The following SLC2A3 variants were observed in gnomAD, a reference collection of about 807,000 sequenced individuals.
The protein encoded by SLC2A3 is solute carrier family 2 member 3.
A neutral mutation model predicts 46.4 loss-of-function variants in SLC2A3; 21 were observed. The ratio of observed to expected loss-of-function variants is 0.45; its 90% CI spans 0.32 to 0.65. The LOEUF (loss-of-function observed/expected upper bound fraction) is 0.65. SLC2A3 is among the 30% of genes least tolerant of loss of function. The probability of loss-of-function intolerance (pLI) is 0.04; values close to 1 mark genes in which losing one functional copy is unlikely to be tolerated. For missense variants in SLC2A3, 499 were observed against 623.3 expected, an observed-to-expected ratio of 0.80 and a Z score of 2.12; for synonymous variants, 213 against 239.4, an observed-to-expected ratio of 0.89 and a Z score of 1.02.
Position 7,925,879 on chromosome 12 carries a change from CG to C in SLC2A3, c.930del (p.Ala311ArgfsTer10), listed in dbSNP as rs997255942. On this transcript the variant is annotated frameshift_variant, in exon 7 of 10. Coordinates refer to ENST00000075120, the MANE Select transcript of SLC2A3 (RefSeq NM_006931.3). LOFTEE classifies it high-confidence loss of function. ...GTGAAGATAGTATTAACCACACCCG[CG>C]CCGATGGTGGCATAGATGGGCTCTT... ...GVQEPIYATIGAGVVNTIFTV... is the reference protein window; with the variant it reads ...GVQEPIYATIXAGVVNTIFTV... The C allele has an allele frequency of 1.2e-6, 2 of 1,613,602 alleles. No individual in the cohort carries two copies. The highest frequency in any genetic ancestry group is 2.7e-5 in the African/African-American group (2 of 74,892).
intron 1 of SLC2A3, 98 bp from the exon 2 acceptor site, chr12:7,934,000 T>G (rs1230610830): frequency 1.8e-5 from 20 of 1,119,498 alleles, no homozygotes; most frequent in Non-Finnish European, 2.6e-5. Flanking sequence ...GAATTTGAGT[T>G]ATGAGTGGTA....
intron 1 of SLC2A3, among the ~76,000 whole-genome samples, chr12:7,935,725 C>T (rs1464142023): frequency 2.6e-5 from 4 of 152,078 alleles, no homozygotes; most frequent in African/African-American, 9.7e-5. Context: ...CCAAGCAGCC[C>T]GATCCTCTAA....
intron 9 of SLC2A3, 57 bp downstream of exon 9, chr12:7,922,764 G>T: frequency 1.9e-6 from 3 of 1,607,116 alleles, no homozygotes; most frequent in Non-Finnish European, 2.6e-6. Flanking sequence ...TATTATTAAG[G>T]AGTATCTTCA....
rs1337625239 is a variant in SLC2A3, at chr12:7,924,322, C to A, written c.1068+88G>T. On this transcript the variant is annotated intron_variant, in intron 8 of 9. Coordinates refer to ENST00000075120, the MANE Select transcript of SLC2A3 (RefSeq NM_006931.3). ...CTCTGACTTTATTGACAAACTGCAA[C>A]CTTAACAACCCACCCCTTGTGTCAC... 5 of 1,537,250 alleles carry A rather than the reference C, an allele frequency of 3.3e-6. No individual in the cohort carries two copies. The East Asian group carries it at 1.2e-4, about 36-fold the overall frequency.
chr12:7,925,055 A>G (rs1178100256), intron 7 of SLC2A3, among the ~76,000 whole-genome samples: 1 of 152,306 alleles, frequency 6.6e-6, no homozygotes, highest in Non-Finnish European at 1.5e-5. Context: ...GAACCCGTGG[A>G]AGCTGACAGG....
At chr12:7,930,032 C>T in intron 5 of SLC2A3, 161 bp from the exon 6 acceptor site, 1 of 1,416,386 alleles carries the variant, frequency 7.1e-7, no homozygotes, top group Non-Finnish European at 9.3e-7. Flanking sequence ...GTTGCCCAGG[C>T]TGGAGTGCAA....
chr12:7,933,090 C>T lies in SLC2A3; in HGVS notation c.166G>A (p.Glu56Lys), dbSNP rs369513448. 63 of 1,613,980 alleles carry T rather than the reference C, an allele frequency of 3.9e-5. No homozygotes were observed. The highest frequency in any genetic ancestry group is 5.1e-5 in the Non-Finnish European group (60 of 1,180,014). Residue 56 changes from glutamate to lysine, a missense_variant, in exon 3 of 10, where the codon GAG becomes AAG. Glu to Lys is a moderately conservative substitution (Grantham distance 56, BLOSUM62 1). Transcript: ENST00000075120. Reference protein sequence around the residue: ...LTDKGNAPPSEVLLTSLWSLS... With the variant: ...LTDKGNAPPSKVLLTSLWSLS... ...GACCAGAGAGACGTGAGCAGCACCTCAGAGGGTGGGGCATTTCCCTTGTCC... is the reference window on the plus strand; with the variant it reads ...GACCAGAGAGACGTGAGCAGCACCTTAGAGGGTGGGGCATTTCCCTTGTCC...
In SLC2A3 at chr12:7,936,098, G is replaced by T; in HGVS notation, c.-64C>A. The T allele has an allele frequency of 1.4e-6, 2 of 1,429,966 alleles. No homozygotes were observed. Among genetic ancestry groups the T allele is most frequent in the Non-Finnish European group, 2.0e-6 (2 of 1,013,112 alleles). 88.6% of individuals were successfully genotyped at this position (1,429,966 alleles called of 1,614,324 possible). ...GGTGATTCCAGAAACAGCTTTTTCA[G>T]CCAACAAAACCTTCAAAATGTCCTT... is the stretch of plus-strand genomic sequence containing the variant. On this transcript the variant is annotated 5_prime_UTR_variant, in exon 1 of 10. The change creates a new upstream start codon in the 5' untranslated region. Coordinates refer to ENST00000075120, the MANE Select transcript of SLC2A3 (RefSeq NM_006931.3).
chr12:7,930,791 GGTT>G, intron 4 of SLC2A3, 149 bp from the exon 5 acceptor site: 12 of 501,466 alleles, frequency 2.4e-5, no homozygotes, highest in South Asian at 1.4e-4. Flanking sequence ...TACTCAGCAT[GGTT>G]TTTTTTTTTT....
chr12:7,923,818 G>A (rs1946065896), intron 8 of SLC2A3, among the ~76,000 whole-genome samples: 2 of 146,390 alleles, frequency 1.4e-5, no homozygotes, highest in Admixed American at 7.0e-5. Flanking sequence ...GCTCAGGCTG[G>A]AGTGCAATGG....
At position 7,933,206 on chromosome 12, in the gene SLC2A3, A is replaced by G. The variant is rs756559745; in HGVS notation, c.109-59T>C. ...TGTTACAGTTGGATGAGAACAAAAGACAAACATTAGGGATCATTTCCTTCC... is the reference window on the plus strand; with the variant it reads ...TGTTACAGTTGGATGAGAACAAAAGGCAAACATTAGGGATCATTTCCTTCC... On this transcript the variant is annotated intron_variant, in intron 2 of 9. Coordinates refer to ENST00000075120, the MANE Select transcript of SLC2A3 (RefSeq NM_006931.3). 4 of 1,566,462 alleles carry G rather than the reference A, an allele frequency of 2.6e-6. No individual in the cohort carries two copies. The African/African-American group carries it at 4.1e-5, about 16-fold the overall frequency.
chr12:7,920,190 TC>T lies in SLC2A3; in HGVS notation c.*1222del, dbSNP rs1946021088. ...TTGCTATAAACATTCTTTGGGGAAT[TC>T]CTTTAAAGGTATGAGTTAAAATACA... is the stretch of plus-strand genomic sequence containing the variant. On this transcript the variant is annotated 3_prime_UTR_variant, in exon 10 of 10. Coordinates refer to ENST00000075120, the MANE Select transcript of SLC2A3 (RefSeq NM_006931.3). 1 of 152,534 alleles carries T rather than the reference TC, an allele frequency of 6.6e-6. No individual in the cohort carries two copies. Among genetic ancestry groups the T allele is most frequent in the Non-Finnish European group, 1.5e-5 (1 of 68,048 alleles). The allele number at this position is 152,534 out of a possible 1,614,324, so 9.4% of individuals were successfully genotyped here.
Position 7,934,646 on chromosome 12 carries a change from C to T in SLC2A3, c.16-744G>A, listed in dbSNP as rs766031372. 2.0e-5 allele frequency among the ~76,000 whole-genome samples: 3 copies of T among 152,150 alleles called. No homozygotes were observed. The South Asian group carries it at 6.2e-4, about 32-fold the overall frequency. ...GACATTTTCCATTTCTACCTTGGGGCAGCTCAATTTTTATACCTGAGGCCA... is the reference window on the plus strand; with the variant it reads ...GACATTTTCCATTTCTACCTTGGGGTAGCTCAATTTTTATACCTGAGGCCA... On this transcript the variant is annotated intron_variant, in intron 1 of 9. Transcript: ENST00000075120.
chr12:7,933,607 T>G (rs748214178), intron 2 of SLC2A3: 69 of 558,064 alleles, frequency 1.2e-4, no homozygotes, highest in African/African-American at 6.9e-4. Flanking sequence ...TCCCCTAGTT[T>G]GGGGAGGGAC....
intron 2 of SLC2A3, chr12:7,933,585 T>G: frequency 1.9e-6 from 1 of 535,422 alleles, no homozygotes; most frequent in East Asian, 3.1e-5. Context: ...AGATACAAAG[T>G]TTGTCTTAAA....
chr12:7,930,265 G>A (rs1173359503), intron 5 of SLC2A3: 2 of 561,504 alleles, frequency 3.6e-6, no homozygotes, highest in East Asian at 6.7e-5. Flanking sequence ...ACAGGCATGA[G>A]CCATCACACC....
chr12:7,928,547 C>G (rs1262975161), intron 6 of SLC2A3, among the ~76,000 whole-genome samples: 2 of 151,738 alleles, frequency 1.3e-5, no homozygotes, highest in Non-Finnish European at 2.9e-5. Context: ...TAGGGAGTTG[C>G]CTCAGGTGCA....
intron 1 of SLC2A3, among the ~76,000 whole-genome samples, chr12:7,935,344 C>A (rs1946201559): frequency 6.6e-6 from 1 of 152,060 alleles, no homozygotes; most frequent in South Asian, 2.1e-4. Context: ...CTCAGCTACT[C>A]AGGAGGCTGA....
intron 6 of SLC2A3, among the ~76,000 whole-genome samples, chr12:7,928,043 T>C (rs900747067): frequency 6.6e-6 from 1 of 151,112 alleles, no homozygotes; most frequent in East Asian, 1.9e-4. Flanking sequence ...GAGATGGAGG[T>C]TGTGGTGAGC....
Sources: gnomAD v4.1 joint callset for allele counts (sites outside exome capture counted in the v4.1 genomes callset) on GRCh38, gnomAD v4.1.1 for gene constraint, MANE v1.5 for transcripts, NCBI Gene and HGNC (gene_info 2026-07-23, HGNC 2026-07-21) for gene names.